Variants in NRG2 observed in about 807,000 individuals in gnomAD.
NRG2 encodes the protein pro-neuregulin-2, membrane-bound isoform.
In NRG2, 27 loss-of-function variants were observed where a neutral mutation model predicts 73.9. The observed-to-expected ratio is 0.37, with a 90% CI of 0.27 to 0.50. The LOEUF is 0.50. Among genes scored for constraint, NRG2 ranks in the 20% least tolerant of loss-of-function variants. The pLI, the probability that NRG2 is intolerant of heterozygous loss-of-function variation, is 0.96. For missense variants in NRG2, 1,126 were observed against 1,210.1 expected (o/e 0.93, Z 1.03); for synonymous variants, 532 against 541.0 (o/e 0.98, Z 0.23).
chr5:139,987,867 C>T lies in NRG2; in HGVS notation c.700+54503G>A, dbSNP rs185209366. On this transcript the variant is annotated intron_variant, in intron 1 of 9. Transcript: ENST00000361474. The stretch of plus-strand genomic sequence containing the variant: ...TCGGCTCACTGCAAGCTCCACCTCC[C>T]GGGTTCACGCCATCCTCCTGCCTCA... Among the ~76,000 whole-genome samples, 5 of 151,620 alleles carry T rather than the reference C, an allele frequency of 3.3e-5. No homozygotes were observed. In the East Asian group the frequency reaches 5.8e-4, roughly 18 times the overall value.
chr5:139,909,409 G>A (rs1233738180), intron 1 of NRG2, among the ~76,000 whole-genome samples: 2 of 152,142 alleles, frequency 1.3e-5, no homozygotes, highest in East Asian at 3.9e-4. Flanking sequence ...CCATGCTGAA[G>A]TTTTCCCACT....
At chr5:139,940,608 G>T (rs1364591664) in intron 1 of NRG2, among the ~76,000 whole-genome samples, 1 of 152,174 alleles carries the variant, frequency 6.6e-6, no homozygotes. Flanking sequence ...AAAGTTCATA[G>T]TTAAGTGGAA....
chr5:139,890,471 TTC>T (rs1554104515), intron 1 of NRG2, among the ~76,000 whole-genome samples: 1 of 101,738 alleles, frequency 9.8e-6, no homozygotes, highest in Non-Finnish European at 1.7e-5. Flanking sequence ...CTTTCTTTCT[TTC>T]TTTTTTTTTT....
intron 1 of NRG2, among the ~76,000 whole-genome samples, chr5:139,955,701 A>G (rs567265824): frequency 1.2e-4 from 19 of 152,230 alleles, no homozygotes; most frequent in African/African-American, 3.6e-4. Context: ...GTAGATATCT[A>G]TTGGGTGCTC....
intron 1 of NRG2, among the ~76,000 whole-genome samples, chr5:139,889,014 G>C (rs1012382892): frequency 1.3e-5 from 2 of 152,132 alleles, no homozygotes; most frequent in South Asian, 2.1e-4. Context: ...TTTCGCCTGG[G>C]TGTTAAATAT....
intron 1 of NRG2, among the ~76,000 whole-genome samples, chr5:139,965,154 C>T (rs1425602528): frequency 6.6e-6 from 1 of 152,224 alleles, no homozygotes; most frequent in Non-Finnish European, 1.5e-5. Context: ...CGACAGCAAC[C>T]TCCTCCCACC....
At chr5:139,952,546 T>G (rs1754289241) in intron 1 of NRG2, among the ~76,000 whole-genome samples, 1 of 152,140 alleles carries the variant, frequency 6.6e-6, no homozygotes, top group South Asian at 2.1e-4. Flanking sequence ...TCCAGATTCA[T>G]AACCTGGTTT....
rs1025788278 is a variant in NRG2 at position 139,954,222 on chromosome 5, C to G, written c.701-66711G>C. The stretch of plus-strand genomic sequence containing the variant: ...ACCGTGGAGGAGAAATCCAGCCCAA[C>G]CCAGGTCACGGTCACAGCCCTGAGC... On this transcript the variant is annotated intron_variant, in intron 1 of 9. Transcript: ENST00000361474. This position sits in a 1 kb window ranked among gnomAD's most constrained non-coding sequence, Gnocchi z 5.0. 6.6e-6 allele frequency among the ~76,000 whole-genome samples: 1 copy of G among 152,166 alleles called. No homozygotes were observed. The highest frequency in any genetic ancestry group is 2.4e-5 in the African/African-American group (1 of 41,432).
chr5:140,010,085 G>A (rs537457362), intron 1 of NRG2, among the ~76,000 whole-genome samples: 6 of 152,220 alleles, frequency 3.9e-5, no homozygotes, highest in East Asian at 1.9e-4. Context: ...ATCATTTGAG[G>A]TGAGCAGTTC....
At chr5:139,857,339 A>G (rs1419974935) in intron 5 of NRG2, among the ~76,000 whole-genome samples, 2 of 152,052 alleles carry the variant, frequency 1.3e-5, no homozygotes, top group Non-Finnish European at 2.9e-5. Flanking sequence ...TCAAATTTTT[A>G]TGTCCTGCCC....
intron 1 of NRG2, among the ~76,000 whole-genome samples, chr5:139,917,026 T>G (rs963308104): frequency 3.9e-5 from 6 of 152,180 alleles, no homozygotes; most frequent in African/African-American, 1.2e-4. Flanking sequence ...CATTTTGCAT[T>G]CCCACCAGCA....
At chr5:140,035,714 T>C (rs1477732675) in intron 1 of NRG2, among the ~76,000 whole-genome samples, 1 of 152,110 alleles carries the variant, frequency 6.6e-6, no homozygotes, top group Non-Finnish European at 1.5e-5. Context: ...GTTGGATCAA[T>C]ATCAAGATCA....
In NRG2 at chr5:139,880,928, C is replaced by T; in HGVS notation, c.919G>A (p.Gly307Arg). 1 of 1,614,192 alleles carries T rather than the reference C, an allele frequency of 6.2e-7. No individual in the cohort carries two copies. Among genetic ancestry groups the T allele is most frequent in the Non-Finnish European group, 8.5e-7 (1 of 1,180,014 alleles). Residue 307 changes from glycine (G) to arginine (R), a missense_variant, in exon 3 of 10, where the codon GGG becomes AGG. Physicochemically the swap from Gly to Arg is moderately radical, Grantham distance 125 (BLOSUM62 -2). Transcript: ENST00000361474. ...TTCTCGGCCTCGCAGACATACTCCC[C>T]AGCGTCCTCCACCTTCACCTTGTTG... ...QFNKVKVEDA[G>R]EYVCEAENIL...
intron 4 of NRG2, among the ~76,000 whole-genome samples, chr5:139,867,824 G>A (rs945004613): frequency 7.3e-5 from 11 of 151,100 alleles, no homozygotes; most frequent in African/African-American, 2.2e-4. Flanking sequence ...GTGTGTGTGT[G>A]TGTGTGTGTG....
At chr5:140,034,664 T>TGAAAC (rs1370524358) in intron 1 of NRG2, among the ~76,000 whole-genome samples, 4 of 151,790 alleles carry the variant, frequency 2.6e-5, no homozygotes, top group African/African-American at 9.7e-5. Flanking sequence ...AGTCAATATA[T>TGAAAC]GAAACAAAAC....
intron 1 of NRG2, among the ~76,000 whole-genome samples, chr5:139,936,462 G>A (rs1052220367): frequency 2.0e-5 from 3 of 152,096 alleles, no homozygotes; most frequent in African/African-American, 7.2e-5. Flanking sequence ...AAAAAGCAGT[G>A]GATAATCTAA....
At chr5:139,903,716 G>C (rs1052292374) in intron 1 of NRG2, among the ~76,000 whole-genome samples, 4 of 152,238 alleles carry the variant, frequency 2.6e-5, no homozygotes, top group Non-Finnish European at 4.4e-5. Context: ...GTCTAGTCCA[G>C]TTCCCAGGGA....
intron 5 of NRG2, chr5:139,859,928 A>G (rs1160740195): frequency 6.3e-7 from 1 of 1,589,114 alleles, no homozygotes; most frequent in East Asian, 2.2e-5. Flanking sequence ...AGTGCAGAAG[A>G]GCGAGGGTCA....
chr5:139,977,798 C>T (rs1756493404), intron 1 of NRG2, among the ~76,000 whole-genome samples: 1 of 152,172 alleles, frequency 6.6e-6, no homozygotes, highest in Non-Finnish European at 1.5e-5. Flanking sequence ...CGCGTATCTA[C>T]AACTATCTGA....
Sources: gnomAD v4.1 joint callset for allele counts (sites outside exome capture counted in the v4.1 genomes callset) on GRCh38, gnomAD v4.1.1 for gene constraint, Gnocchi (gnomAD v3.1) non-coding constraint, MANE v1.5 for transcripts, NCBI Gene and HGNC (gene_info 2026-07-23, HGNC 2026-07-21) for gene names.